Variants in PIWIL1 observed in about 807,000 individuals in gnomAD.
The protein encoded by PIWIL1 is piwi-like protein 1.
Under a neutral mutation model 114.4 loss-of-function variants are expected in PIWIL1, and 73 were observed. The observed-to-expected ratio is 0.64, with a 90% confidence interval of 0.53 to 0.78. The LOEUF (loss-of-function observed/expected upper bound fraction) is 0.78. Among genes scored for constraint, PIWIL1 ranks in the 30% least tolerant of loss-of-function variants. The pLI, the probability that PIWIL1 is intolerant of heterozygous loss-of-function variation, is 0.00. For missense variants in PIWIL1, 723 were observed against 1,063.1 expected, an observed-to-expected ratio of 0.68 and a Z score of 4.45; for synonymous variants, 375 against 369.0, an observed-to-expected ratio of 1.02 and a Z score of -0.19.
In PIWIL1 at chr12:130,361,262, G is replaced by C; in HGVS notation, c.1748G>C (p.Ser583Thr). 6.2e-7 allele frequency: 1 copy of C among 1,614,192 alleles called. No individual in the cohort carries two copies. Among genetic ancestry groups the C allele is most frequent in the South Asian group, 1.1e-5 (1 of 91,080 alleles). The change falls in exon 15 of 21, where the codon AGT becomes ACT. Residue 583 changes from serine to threonine, a missense_variant. Transcript: ENST00000245255. Reference sequence around the variant, plus strand: ...CTGTGTACAGATTGCCCTACCCCAAGTCAGTGTGTGGTGGCCCGAACCTTA... The same window carrying C: ...CTGTGTACAGATTGCCCTACCCCAACTCAGTGTGTGGTGGCCCGAACCTTA... ...KYLCTDCPTP[S>T]QCVVARTLGK...
downstream of PIWIL1, among the ~76,000 whole-genome samples, chr12:130,372,968 G>A (rs1345958774): frequency 1.3e-5 from 2 of 152,154 alleles, no homozygotes; most frequent in African/African-American, 2.4e-5. Context: ...TTAAACTAAC[G>A]CAGATCACTC....
chr12:130,357,105 T>A lies in PIWIL1; in HGVS notation c.1592T>A (p.Met531Lys). Residue 531 changes from methionine to lysine, a missense_variant and splice_region_variant, in exon 13 of 21, where the codon ATG becomes AAG. By Grantham distance (95) the Met-to-Lys change is moderately conservative. Around this residue, in one of 8 missense-constraint regions of PIWIL1, gnomAD observed 298 missense variants for 420.8 expected, o/e 0.71. Transcript: ENST00000245255. The stretch of plus-strand genomic sequence containing the variant: ...GGCATGCAAATGAGAAAAGCAATAA[T>A]GTAAGTTAATCAAGTCATTTCTGCT... ...AMGMQMRKAI[M>K]IEVDDRTEAY... 1 of 1,605,768 alleles carries A rather than the reference T, an allele frequency of 6.2e-7. No individual in the cohort carries two copies. Among genetic ancestry groups the A allele is most frequent in the Non-Finnish European group, 8.5e-7 (1 of 1,173,916 alleles).
chr12:130,421,447 G>A, the PIWIL1 span, among the ~76,000 whole-genome samples: 1 of 152,194 alleles, frequency 6.6e-6, no homozygotes, highest in Non-Finnish European at 1.5e-5. Context: ...ATTGTACAAG[G>A]AAGAAAAAGT....
the PIWIL1 span, among the ~76,000 whole-genome samples, chr12:130,389,822 T>C: frequency 6.6e-6 from 1 of 152,256 alleles, no homozygotes; most frequent in African/African-American, 2.4e-5. Flanking sequence ...GTGTCTTTTC[T>C]CGTATAAAGT....
At chr12:130,394,108 A>AGCTCCTCCT in the PIWIL1 span, among the ~76,000 whole-genome samples, 252 of 152,328 alleles carry the variant, frequency 1.7e-3, 3 homozygotes, top group East Asian at 0.031. Context: ...CTCTCTGCAT[A>AGCTCCTCCT]GCTCCTCCTG....
At chr12:130,421,589 C>G in the PIWIL1 span, among the ~76,000 whole-genome samples, 1 of 152,236 alleles carries the variant, frequency 6.6e-6, no homozygotes, top group African/African-American at 2.4e-5. Flanking sequence ...TTTCAGTGGC[C>G]TAGACTATCC....
the PIWIL1 span, among the ~76,000 whole-genome samples, chr12:130,377,826 G>C: frequency 1.4e-3 from 211 of 152,334 alleles, 1 homozygote; most frequent in Non-Finnish European, 2.0e-3. Flanking sequence ...GCTGCATCTG[G>C]CCTCATGATT....
At chr12:130,353,267 AG>A (rs2073265249) in intron 9 of PIWIL1, among the ~76,000 whole-genome samples, 1 of 136,450 alleles carries the variant, frequency 7.3e-6, no homozygotes, top group African/African-American at 2.7e-5. Flanking sequence ...TGCTCAGTGG[AG>A]GTGTGTGTGT....
At chr12:130,339,052 G>A (rs1437218086) in intron 1 of PIWIL1, among the ~76,000 whole-genome samples, 1 of 152,034 alleles carries the variant, frequency 6.6e-6, no homozygotes, top group Non-Finnish European at 1.5e-5. Context: ...CGCGGGGCGC[G>A]ATCTCTGCGG....
chr12:130,376,308 C>G (rs74915981), downstream of PIWIL1, among the ~76,000 whole-genome samples: 1 of 152,204 alleles, frequency 6.6e-6, no homozygotes, highest in South Asian at 2.1e-4. Context: ...TAAAAATATG[C>G]GTGCCCATAT....
the PIWIL1 span, among the ~76,000 whole-genome samples, chr12:130,392,855 CGT>C: frequency 5.1e-3 from 107 of 20,840 alleles, 8 homozygotes; most frequent in South Asian, 0.022. Context: ...ACCGTCATCA[CGT>C]GTGTCCGTCA....
the PIWIL1 span, among the ~76,000 whole-genome samples, chr12:130,402,503 C>A: frequency 4.3e-3 from 657 of 152,218 alleles, 11 homozygotes; most frequent in African/African-American, 0.015. Context: ...TGGACCCACT[C>A]CCATCCCCCT....
chr12:130,392,382 C>G, the PIWIL1 span, among the ~76,000 whole-genome samples: 363 of 77,842 alleles, frequency 4.7e-3, no homozygotes, highest in Middle Eastern at 0.012. Flanking sequence ...TCACATGTGT[C>G]CGTCAGTTAC....
intron 5 of PIWIL1, 55 bp downstream of exon 5, chr12:130,346,639 A>G (rs2073075957): frequency 6.4e-6 from 9 of 1,400,444 alleles, no homozygotes; most frequent in Middle Eastern, 4.8e-4. Flanking sequence ...AACTACCACA[A>G]TGTAAGATAG....
the PIWIL1 span, chr12:130,384,030 C>G: frequency 1.3e-5 from 2 of 152,158 alleles, no homozygotes; most frequent in Non-Finnish European, 2.9e-5. Flanking sequence ...GCATAGTCTT[C>G]CAAACTACAA....
At chr12:130,420,466 C>G in the PIWIL1 span, among the ~76,000 whole-genome samples, 2 of 152,160 alleles carry the variant, frequency 1.3e-5, no homozygotes, top group African/African-American at 2.4e-5. This position sits in a 1 kb window ranked among gnomAD's most constrained non-coding sequence, Gnocchi z 4.3. Context: ...AATTAAGACA[C>G]GCATGCAGCC....
chr12:130,351,183 A>G (rs2073199387), intron 9 of PIWIL1: 1 of 152,180 alleles, frequency 6.6e-6, no homozygotes, highest in Admixed American at 6.5e-5. Flanking sequence ...TCAACAGCAA[A>G]TATAAAGGAA....
At chr12:130,422,441 G>A in the PIWIL1 span, 1 of 1,577,416 alleles carries the variant, frequency 6.3e-7, no homozygotes, top group Non-Finnish European at 8.7e-7. This position sits in a 1 kb window ranked among gnomAD's most constrained non-coding sequence, Gnocchi z 5.2. Flanking sequence ...CAGCGATGAT[G>A]GGGCCACTAA....
Position 130,338,567 on chromosome 12 carries a change from T to C in PIWIL1, c.-13+421T>C, listed in dbSNP as rs35929211. Among the ~76,000 whole-genome samples, 17 of 5,398 alleles carry C rather than the reference T, an allele frequency of 3.1e-3. 2 individuals are homozygous for C. The highest frequency in any genetic ancestry group is 3.9e-3 in the African/African-American group (7 of 1,794). 3.5% of individuals were successfully genotyped at this position (5,398 alleles called of 152,430 possible). A position where few individuals can be genotyped will look rare whatever the true frequency, so the allele number is the denominator to read the frequency against. On this transcript the variant is annotated intron_variant, in intron 1 of 20. Coordinates refer to ENST00000245255, the MANE Select transcript of PIWIL1 (RefSeq NM_004764.5). ...GGGTGCGGGGGCGAGGTCCCAGGTG[T>C]GGGAGATGCAGGAGCCGGGTGCGGG...
Sources: gnomAD v4.1 joint callset for allele counts (sites outside exome capture counted in the v4.1 genomes callset) on GRCh38, gnomAD v4.1.1 for gene constraint, gnomAD v4.1.1 regional missense constraint, Gnocchi (gnomAD v3.1) non-coding constraint, MANE v1.5 for transcripts, NCBI Gene and HGNC (gene_info 2026-07-23, HGNC 2026-07-21) for gene names.